SGTB: variants seen among roughly 807,000 people sequenced by gnomAD.
The protein encoded by SGTB is small glutamine-rich tetratricopeptide repeat-containing protein beta.
SGTB carries 19 observed loss-of-function variants against 43.9 expected under a neutral mutation model. The ratio of observed to expected loss-of-function variants is 0.43; its 90% CI spans 0.30 to 0.63. The LOEUF (loss-of-function observed/expected upper bound fraction) is 0.63, where lower values mean the gene tolerates loss of function less well. Ranked by LOEUF, SGTB falls within the 30% of genes least tolerant of loss-of-function variation. SGTB has a pLI of 0.12. For missense variants in SGTB, 304 were observed against 358.9 expected, an observed-to-expected ratio of 0.85 and a Z score of 1.24; for synonymous variants, 116 against 117.3, an observed-to-expected ratio of 0.99 and a Z score of 0.07.
chr5:65,715,036 T>G (rs1758123125), intron 2 of SGTB, among the ~76,000 whole-genome samples: 1 of 152,182 alleles, frequency 6.6e-6, no homozygotes, highest in Non-Finnish European at 1.5e-5. Flanking sequence ...ATTAGTGAAG[T>G]TGGGATTAGT....
chr5:65,680,556 T>A lies in SGTB; in HGVS notation c.619A>T (p.Thr207Ser). The A allele has an allele frequency of 6.2e-7, 1 of 1,614,140 alleles. No homozygotes were observed. The highest frequency in any genetic ancestry group is 8.5e-7 in the Non-Finnish European group (1 of 1,180,012). The change falls in exon 8 of 11, where the codon ACA (threonine) becomes TCA (serine). Residue 207 changes from threonine to serine, a missense_variant and splice_region_variant. Thr to Ser is a moderately conservative substitution (Grantham distance 58, BLOSUM62 1). Transcript: ENST00000381007. ...ATGTCAAAGCTCAGTCCAGTTCCTG[T>A]CTGTAAAACAATTATATCTGAGAAT... The part of the protein sequence containing the change: ...EQKLREVSSP[T>S]GTGLSFDMAS...
At chr5:65,687,170 T>G (rs148356042) in intron 5 of SGTB, among the ~76,000 whole-genome samples, 90 of 152,346 alleles carry the variant, frequency 5.9e-4, no homozygotes, top group African/African-American at 2.1e-3. Flanking sequence ...AGTTTAGTTC[T>G]AATTAACAGG....
At chr5:65,682,157 A>C (rs889564771) in intron 6 of SGTB, among the ~76,000 whole-genome samples, 1 of 152,204 alleles carries the variant, frequency 6.6e-6, no homozygotes, top group Non-Finnish European at 1.5e-5. Flanking sequence ...AAAATGAGGG[A>C]GGAGCATTGT....
At chr5:65,701,889 T>C (rs1757832348) in intron 5 of SGTB, among the ~76,000 whole-genome samples, 1 of 152,174 alleles carries the variant, frequency 6.6e-6, no homozygotes, top group Non-Finnish European at 1.5e-5. Flanking sequence ...CGCGTCGGCG[T>C]CCCAAAGTGC....
intron 2 of SGTB, among the ~76,000 whole-genome samples, chr5:65,719,747 G>A (rs1470436305): frequency 2.6e-5 from 4 of 152,090 alleles, no homozygotes; most frequent in Admixed American, 2.0e-4. Context: ...AGACGGTGTC[G>A]AGGAAACACA....
chr5:65,692,714 T>C (rs1174558535), intron 5 of SGTB, among the ~76,000 whole-genome samples: 3 of 152,164 alleles, frequency 2.0e-5, no homozygotes, highest in Admixed American at 2.0e-4. Flanking sequence ...AACACATAGC[T>C]ATAAAAGATG....
At chr5:65,706,292 A>G (rs915001134) in intron 4 of SGTB, among the ~76,000 whole-genome samples, 1 of 152,222 alleles carries the variant, frequency 6.6e-6, no homozygotes, top group African/African-American at 2.4e-5. Flanking sequence ...TAGCAAAGAT[A>G]GTTTGATTTC....
chr5:65,698,199 C>T (rs1042045034), intron 5 of SGTB, among the ~76,000 whole-genome samples: 11 of 152,110 alleles, frequency 7.2e-5, no homozygotes, highest in African/African-American at 2.7e-4. Flanking sequence ...TTTGTCAAAA[C>T]TCCATGAAAG....
intron 2 of SGTB, among the ~76,000 whole-genome samples, chr5:65,719,182 A>G (rs749303807): frequency 6.6e-6 from 1 of 152,248 alleles, no homozygotes; most frequent in African/African-American, 2.4e-5. Context: ...TCCACCTCCT[A>G]AAAGCATATT....
Position 65,670,035 on chromosome 5 carries a change from A to C in SGTB, c.*211T>G, listed in dbSNP as rs1325995345. ...CATGGCTAGTGATCATTTCAAAAGG[A>C]GTCATGTTATGTTTTGAGTTTGTTT... On this transcript the variant is annotated 3_prime_UTR_variant, in exon 11 of 11. Coordinates refer to ENST00000381007, the MANE Select transcript of SGTB (RefSeq NM_019072.3). 10 of 494,398 alleles carry C rather than the reference A, an allele frequency of 2.0e-5. No individual in the cohort carries two copies. In the East Asian group the frequency reaches 3.2e-4, roughly 16 times the overall value. 30.6% of individuals were successfully genotyped at this position (494,398 alleles called of 1,614,324 possible).
chr5:65,697,370 A>G (rs1422048629), intron 5 of SGTB, among the ~76,000 whole-genome samples: 1 of 152,194 alleles, frequency 6.6e-6, no homozygotes, highest in African/African-American at 2.4e-5. Context: ...ACTGGTGGAT[A>G]TAAGACTATT....
At chr5:65,670,647 G>A (rs186800011) in intron 10 of SGTB, among the ~76,000 whole-genome samples, 22 of 152,278 alleles carry the variant, frequency 1.4e-4, no homozygotes, top group African/African-American at 5.1e-4. Context: ...AGGGTAAGAC[G>A]TATATGTTTT....
intron 5 of SGTB, among the ~76,000 whole-genome samples, chr5:65,694,106 T>C (rs1412449003): frequency 1.3e-5 from 2 of 152,078 alleles, no homozygotes; most frequent in South Asian, 2.1e-4. Context: ...GGGAAGGGCA[T>C]AGGGGCATGG....
rs1757114085 is a variant in SGTB, at chr5:65,669,569, C to T, written c.*677G>A. 1 of 152,224 alleles carries T rather than the reference C, an allele frequency of 6.6e-6. No individual in the cohort carries two copies. The highest frequency in any genetic ancestry group is 2.1e-4 in the South Asian group (1 of 4,832). 9.4% of individuals were successfully genotyped at this position (152,224 alleles called of 1,614,324 possible). ...ATTAGTTAAGAACTATGCAGAAAACCTGAGCATCCTACCTTTACTTTCTAT... is the reference window on the plus strand; with the variant it reads ...ATTAGTTAAGAACTATGCAGAAAACTTGAGCATCCTACCTTTACTTTCTAT... On this transcript the variant is annotated 3_prime_UTR_variant, in exon 11 of 11. Coordinates refer to ENST00000381007, the MANE Select transcript of SGTB (RefSeq NM_019072.3).
chr5:65,696,622 C>T (rs1167211860), intron 5 of SGTB, among the ~76,000 whole-genome samples: 1 of 152,138 alleles, frequency 6.6e-6, no homozygotes, highest in East Asian at 1.9e-4. Flanking sequence ...CAATCTCTGC[C>T]CTTCACCTGA....
At chr5:65,709,169 T>C (rs1757996464) in intron 3 of SGTB, among the ~76,000 whole-genome samples, 1 of 152,152 alleles carries the variant, frequency 6.6e-6, no homozygotes, top group Non-Finnish European at 1.5e-5. Context: ...AATAGAAATA[T>C]GATCAAGGGA....
At chr5:65,705,623 A>C (rs1298658846) in intron 4 of SGTB, among the ~76,000 whole-genome samples, 2 of 152,150 alleles carry the variant, frequency 1.3e-5, no homozygotes, top group Non-Finnish European at 2.9e-5. Flanking sequence ...GTGGGGCATA[A>C]ATTTCCAAGG....
chr5:65,701,597 C>A lies in SGTB; in HGVS notation c.374+2682G>T, dbSNP rs182202150. On this transcript the variant is annotated intron_variant, in intron 5 of 10. Coordinates refer to ENST00000381007, the MANE Select transcript of SGTB (RefSeq NM_019072.3). Reference sequence around the variant, plus strand: ...TATAGGGCTCTGCTGTCTGATATAGCAGCCATAAGCCATATGTGGCTATTT... The same window carrying A: ...TATAGGGCTCTGCTGTCTGATATAGAAGCCATAAGCCATATGTGGCTATTT... 4.5e-3 allele frequency among the ~76,000 whole-genome samples: 684 copies of A among 151,462 alleles called. 3 individuals are homozygous for A. Among genetic ancestry groups the A allele is most frequent in the African/African-American group, 0.015 (638 of 41,284 alleles).
At chr5:65,672,964 C>T (rs1757187475) in intron 8 of SGTB, among the ~76,000 whole-genome samples, 1 of 152,184 alleles carries the variant, frequency 6.6e-6, no homozygotes, top group Admixed American at 6.5e-5. Flanking sequence ...GGATTGGTGC[C>T]TCTGAGCCAA....
Sources: allele counts gnomAD v4.1 joint callset (sites outside exome capture counted in the v4.1 genomes callset), GRCh38; gene constraint gnomAD v4.1.1; transcripts MANE v1.5; gene names NCBI Gene and HGNC (gene_info 2026-07-23, HGNC 2026-07-21).